The following IHO1 variants were observed in gnomAD, a reference collection of about 807,000 sequenced individuals.
The protein encoded by IHO1 is interactor of HORMAD1 protein 1.
Under a neutral mutation model 31.0 loss-of-function variants are expected in IHO1, and 13 were observed. The ratio of observed to expected loss-of-function variants is 0.42; its 90% CI spans 0.27 to 0.67. The LOEUF (loss-of-function observed/expected upper bound fraction) is 0.67. IHO1 is among the 30% of genes least tolerant of loss of function. The pLI is 0.24. For missense variants in IHO1, 599 were observed against 687.5 expected (o/e 0.87, Z 1.44); for synonymous variants, 221 against 248.4 (o/e 0.89, Z 1.04).
intron 2 of IHO1, among the ~76,000 whole-genome samples, 177 bp from the exon 3 acceptor site, chr3:49,236,371 A>C (rs1393655328): frequency 6.6e-6 from 1 of 152,208 alleles, no homozygotes; most frequent in Non-Finnish European, 1.5e-5. Flanking sequence ...AGTAATAAAA[A>C]TGTGTGGTAT....
intron 1 of IHO1, among the ~76,000 whole-genome samples, chr3:49,207,903 A>G (rs2107682884): frequency 6.6e-6 from 1 of 151,608 alleles, no homozygotes; most frequent in East Asian, 2.0e-4. Flanking sequence ...CCTCCTGAGT[A>G]GCTGGGACTA....
At chr3:49,218,528 C>T (rs1380104983) in intron 2 of IHO1, among the ~76,000 whole-genome samples, 1 of 151,878 alleles carries the variant, frequency 6.6e-6, no homozygotes, top group African/African-American at 2.4e-5. Flanking sequence ...ATTACAAGCA[C>T]ATGCCACCAC....
chr3:49,251,431 G>A (rs981454701), intron 6 of IHO1, among the ~76,000 whole-genome samples: 51 of 135,848 alleles, frequency 3.8e-4, no homozygotes, highest in Middle Eastern at 9.7e-3. Context: ...GACTACAGGC[G>A]TGCATCACCA....
At chr3:49,206,312 G>A (rs2046136220) in intron 1 of IHO1, among the ~76,000 whole-genome samples, 1 of 152,048 alleles carries the variant, frequency 6.6e-6, no homozygotes, top group African/African-American at 2.4e-5. Flanking sequence ...TGGTGAGGCT[G>A]GTCTTGAACT....
At chr3:49,195,007 T>C (rs1314289432), upstream of IHO1, among the ~76,000 whole-genome samples, 5 of 152,146 alleles carry the variant, frequency 3.3e-5, no homozygotes, top group African/African-American at 1.2e-4. Context: ...TCCCAGCACT[T>C]GGGGAGGCCA....
chr3:49,208,783 T>C (rs1050257601), intron 1 of IHO1, among the ~76,000 whole-genome samples: 1 of 152,212 alleles, frequency 6.6e-6, no homozygotes, highest in Non-Finnish European at 1.5e-5. Flanking sequence ...AGTTGCAACC[T>C]TTGTAAATCT....
the IHO1 span, among the ~76,000 whole-genome samples, chr3:49,192,636 A>G: frequency 6.6e-6 from 1 of 152,150 alleles, no homozygotes; most frequent in Non-Finnish European, 1.5e-5. Context: ...GTGGTTCACA[A>G]CTGTAATCCT....
chr3:49,217,623 C>A lies in IHO1; in HGVS notation c.56+5787C>A, dbSNP rs771447979. On this transcript the variant is annotated intron_variant, in intron 2 of 7. Transcript: ENST00000452691. ...AAACCTGCACGTTGTGCACATGTAC[C>A]CTAGAACTTAAAGTATAATAAAAAA... 8.5e-4 allele frequency among the ~76,000 whole-genome samples: 126 copies of A among 148,104 alleles called. No individual in the cohort carries two copies. In the Middle Eastern group the frequency reaches 0.01, roughly 12 times the overall value.
At chr3:49,197,013 C>T (rs2046002128), upstream of IHO1, among the ~76,000 whole-genome samples, 1 of 140,012 alleles carries the variant, frequency 7.1e-6, no homozygotes, top group Admixed American at 7.5e-5. Flanking sequence ...TGGAGTCTCG[C>T]TCTGTTGCCC....
intron 1 of IHO1, among the ~76,000 whole-genome samples, chr3:49,211,007 T>TG: frequency 1.7e-5 from 2 of 114,872 alleles, no homozygotes; most frequent in African/African-American, 7.3e-5. Flanking sequence ...CTCCATTTAG[T>TG]TTTTTTTTTT....
intron 2 of IHO1, among the ~76,000 whole-genome samples, chr3:49,229,787 G>T (rs1180999114): frequency 6.6e-6 from 1 of 152,148 alleles, no homozygotes; most frequent in Non-Finnish European, 1.5e-5. Flanking sequence ...GTTATATTTT[G>T]CATTGTGAAG....
chr3:49,201,228 C>G (rs528667716), intron 1 of IHO1, among the ~76,000 whole-genome samples: 1 of 151,926 alleles, frequency 6.6e-6, no homozygotes, highest in Non-Finnish European at 1.5e-5. Flanking sequence ...CTCCTGACCT[C>G]GTGATCCGCC....
At position 49,244,781 on chromosome 3, in the gene IHO1, T is replaced by G; in HGVS notation, c.532+48T>G. The G allele has an allele frequency of 2.7e-6, 4 of 1,507,384 alleles. No homozygotes were observed. In the South Asian group the frequency reaches 3.4e-5, roughly 13 times the overall value. 93.4% of individuals were successfully genotyped at this position (1,507,384 alleles called of 1,614,324 possible). ...ATCAGCAGAGGGCACTGGTGAATGA[T>G]GAACATGAACTTTCTGACCCCAGCC... is the stretch of plus-strand genomic sequence containing the variant. On this transcript the variant is annotated intron_variant, in intron 6 of 7. Transcript: ENST00000452691.
intron 6 of IHO1, among the ~76,000 whole-genome samples, chr3:49,248,040 GT>G (rs1289995316): frequency 6.6e-6 from 1 of 150,570 alleles, no homozygotes; most frequent in Admixed American, 6.7e-5. Flanking sequence ...CAGGAGAATC[GT>G]TTGAACCTGG....
chr3:49,231,095 C>A (rs914257488), intron 2 of IHO1, among the ~76,000 whole-genome samples: 1 of 152,270 alleles, frequency 6.6e-6, no homozygotes, highest in East Asian at 1.9e-4. Flanking sequence ...GCTTTTTCTT[C>A]CAAATACTAA....
chr3:49,196,228 CAAAAA>C (rs1210658279), upstream of IHO1, among the ~76,000 whole-genome samples: 1 of 43,654 alleles, frequency 2.3e-5, no homozygotes. Flanking sequence ...GACTCCGTCA[CAAAAA>C]AAAAAAAAAA....
intron 3 of IHO1, among the ~76,000 whole-genome samples, chr3:49,239,066 G>C (rs1221849098): frequency 2.0e-5 from 3 of 152,042 alleles, no homozygotes; most frequent in Non-Finnish European, 4.4e-5. Flanking sequence ...CTGCCTCCTG[G>C]GTGCAAGCAA....
At chr3:49,209,721 C>CTT (rs577328597) in intron 1 of IHO1, among the ~76,000 whole-genome samples, 1 of 145,338 alleles carries the variant, frequency 6.9e-6, no homozygotes, top group African/African-American at 2.5e-5. Context: ...AATGACATGT[C>CTT]TTTTTTTTTT....
At chr3:49,231,156 A>G (rs2046477571) in intron 2 of IHO1, among the ~76,000 whole-genome samples, 1 of 152,206 alleles carries the variant, frequency 6.6e-6, no homozygotes, top group African/African-American at 2.4e-5. Context: ...ATGATAGGAA[A>G]TGGGAGAACT....
Sources: gnomAD v4.1 joint callset for allele counts (sites outside exome capture counted in the v4.1 genomes callset) on GRCh38, gnomAD v4.1.1 for gene constraint, MANE v1.5 for transcripts, NCBI Gene and HGNC (gene_info 2026-07-23, HGNC 2026-07-21) for gene names.